The following ERICH5 variants were observed in gnomAD, a reference collection of about 807,000 sequenced individuals.
ERICH5 encodes glutamate-rich protein 5.
In ERICH5, 24 loss-of-function variants were observed where a neutral mutation model predicts 28.0. The ratio of observed to expected loss-of-function variants is 0.86; its 90% CI spans 0.62 to 1.21. The LOEUF is 1.21. Ranked by LOEUF, ERICH5 falls within the 50% of genes most tolerant of loss-of-function variation. ERICH5 has a pLI of 0.00. For synonymous variants in ERICH5, 163 were observed against 157.6 expected (o/e 1.03, Z -0.25); for missense variants, 421 against 441.2 (o/e 0.95, Z 0.41).
chr8:98,069,177 G>A (rs1171986167), intron 1 of ERICH5, among the ~76,000 whole-genome samples: 1 of 152,044 alleles, frequency 6.6e-6, no homozygotes, highest in African/African-American at 2.4e-5. Context: ...CTGGAGCCTG[G>A]CACTTAAATA....
At chr8:98,085,273 G>A (rs544471720) in intron 1 of ERICH5, among the ~76,000 whole-genome samples, 5 of 146,504 alleles carry the variant, frequency 3.4e-5, no homozygotes, top group Non-Finnish European at 7.4e-5. Context: ...CCATTCTCCC[G>A]CCTCAGCCTC....
At chr8:98,068,903 T>C (rs1294126487) in intron 1 of ERICH5, among the ~76,000 whole-genome samples, 1 of 152,254 alleles carries the variant, frequency 6.6e-6, no homozygotes, top group Non-Finnish European at 1.5e-5. Context: ...TTGCTGTCCA[T>C]GCGGCCTAGG....
intron 1 of ERICH5, among the ~76,000 whole-genome samples, chr8:98,084,922 CCA>C (rs1165241526): frequency 6.6e-6 from 1 of 151,908 alleles, no homozygotes; most frequent in Non-Finnish European, 1.5e-5. Flanking sequence ...CTACCCAATC[CCA>C]GTCTCCAAAG....
At chr8:98,080,997 C>T (rs1369680415) in intron 1 of ERICH5, among the ~76,000 whole-genome samples, 2 of 152,098 alleles carry the variant, frequency 1.3e-5, no homozygotes, top group African/African-American at 2.4e-5. Context: ...GCCACTGTGC[C>T]CAGCCTAATC....
At chr8:98,085,459 G>C (rs1815259106) in intron 1 of ERICH5, among the ~76,000 whole-genome samples, 1 of 152,056 alleles carries the variant, frequency 6.6e-6, no homozygotes, top group South Asian at 2.1e-4. Context: ...CACCGCTCCC[G>C]GCCGTTCCAC....
chr8:98,078,192 G>A (rs1291765574), intron 1 of ERICH5, among the ~76,000 whole-genome samples: 6 of 152,204 alleles, frequency 3.9e-5, no homozygotes, highest in Non-Finnish European at 5.9e-5. Flanking sequence ...ATGCTTTGAT[G>A]TGGGAAAAGG....
intron 1 of ERICH5, among the ~76,000 whole-genome samples, chr8:98,086,170 C>A (rs1815273745): frequency 6.6e-6 from 1 of 151,656 alleles, no homozygotes; most frequent in Admixed American, 6.6e-5. Context: ...TAGTTTAAAC[C>A]CACAGAGATA....
At chr8:98,091,900 C>CCTTTCTTTCTTT (rs74202034) in intron 2 of ERICH5, among the ~76,000 whole-genome samples, 885 of 74,622 alleles carry the variant, frequency 0.012, 32 homozygotes, top group African/African-American at 0.032. Flanking sequence ...TTCTTTCTTT[C>CCTTTCTTTCTTT]CTTTCTTTCT....
intron 1 of ERICH5, among the ~76,000 whole-genome samples, chr8:98,071,030 G>T (rs1042542652): frequency 4.6e-5 from 7 of 152,066 alleles, no homozygotes; most frequent in Admixed American, 2.0e-4. Context: ...GTGGGAGGCC[G>T]AGGCAGGTGG....
intron 1 of ERICH5, among the ~76,000 whole-genome samples, chr8:98,074,102 G>A (rs1815004108): frequency 6.6e-6 from 1 of 151,334 alleles, no homozygotes; most frequent in African/African-American, 2.4e-5. Flanking sequence ...TTGCCATGTT[G>A]CCCAACCTCG....
intron 1 of ERICH5, among the ~76,000 whole-genome samples, chr8:98,082,509 G>A (rs1283979897): frequency 6.6e-6 from 1 of 152,114 alleles, no homozygotes; most frequent in African/African-American, 2.4e-5. Flanking sequence ...GCCAGGTGTG[G>A]TGGCGCATGC....
At position 98,064,743 on chromosome 8, in the gene ERICH5, G is replaced by A. The variant is rs1453358355; in HGVS notation, c.58+16G>A. On this transcript the variant is annotated intron_variant, in intron 1 of 2. Transcript: ENST00000318528. ...TTCCCCAGCGGTGAGCAGGGTACCG[G>A]CGCCGCCCGCGCCCGGGCTGGGGAC... is the stretch of plus-strand genomic sequence containing the variant. 1 of 1,523,682 alleles carries A rather than the reference G, an allele frequency of 6.6e-7. No homozygotes were observed. The highest frequency in any genetic ancestry group is 2.0e-5 in the Admixed American group (1 of 50,694). 94.4% of individuals were successfully genotyped at this position (1,523,682 alleles called of 1,614,324 possible).
intron 2 of ERICH5, among the ~76,000 whole-genome samples, chr8:98,091,887 T>TTTCTTTC (rs1815400419): frequency 1.2e-5 from 1 of 84,352 alleles, no homozygotes; most frequent in African/African-American, 5.2e-5. Context: ...TTTCTTTCTT[T>TTTCTTTC]CTTTCTTTCT....
intron 1 of ERICH5, among the ~76,000 whole-genome samples, chr8:98,067,701 G>A (rs1476072491): frequency 2.0e-5 from 3 of 150,778 alleles, no homozygotes; most frequent in Non-Finnish European, 4.4e-5. Flanking sequence ...CTGCAACCTC[G>A]GCCTCCTGGG....
At chr8:98,077,129 T>C (rs1336405866) in intron 1 of ERICH5, among the ~76,000 whole-genome samples, 1 of 151,886 alleles carries the variant, frequency 6.6e-6, no homozygotes, top group Non-Finnish European at 1.5e-5. Context: ...TATAATTTCC[T>C]CAACTATATA....
At position 98,089,118 on chromosome 8, in the gene ERICH5, C is replaced by G. The variant is rs201654894; in HGVS notation, c.101C>G (p.Ser34Cys). ...EHFSTAEESE[S>C]CFAQPKPHAL... ...TTTTCAACTGCAGAAGAAAGTGAGT[C>G]CTGCTTTGCCCAACCAAAGCCACAT... The change falls in exon 2 of 3, where the codon TCC (serine) becomes TGC (cysteine). Residue 34 changes from serine (S) to cysteine (C), a missense_variant. Coordinates refer to ENST00000318528, the MANE Select transcript of ERICH5 (RefSeq NM_173549.3). 2.5e-6 allele frequency: 4 copies of G among 1,613,860 alleles called. No individual in the cohort carries two copies. The highest frequency in any genetic ancestry group is 3.4e-6 in the Non-Finnish European group (4 of 1,179,932).
At chr8:98,088,109 A>G (rs1815313229) in intron 1 of ERICH5, among the ~76,000 whole-genome samples, 1 of 152,018 alleles carries the variant, frequency 6.6e-6, no homozygotes. Context: ...GGGATTATAT[A>G]TATATATATT....
chr8:98,075,714 T>G (rs1023888888), intron 1 of ERICH5, among the ~76,000 whole-genome samples: 26 of 151,530 alleles, frequency 1.7e-4, no homozygotes, highest in African/African-American at 5.3e-4. Flanking sequence ...GACTGCTCTG[T>G]TGTAAAATTT....
At chr8:98,078,734 C>A (rs1815108616) in intron 1 of ERICH5, among the ~76,000 whole-genome samples, 1 of 152,126 alleles carries the variant, frequency 6.6e-6, no homozygotes, top group Non-Finnish European at 1.5e-5. Flanking sequence ...GATCAATTTA[C>A]AACAGAATCA....
Sources: allele counts gnomAD v4.1 joint callset (sites outside exome capture counted in the v4.1 genomes callset), GRCh38; gene constraint gnomAD v4.1.1; transcripts MANE v1.5; gene names NCBI Gene and HGNC (gene_info 2026-07-23, HGNC 2026-07-21).